DYNC1I1: variants seen among roughly 807,000 people sequenced by gnomAD.
DYNC1I1 encodes cytoplasmic dynein 1 intermediate chain 1.
DYNC1I1 carries 43 observed loss-of-function variants against 86.6 expected under a neutral mutation model. The ratio of observed to expected loss-of-function variants is 0.50; its 90% CI spans 0.39 to 0.64. The LOEUF is 0.64. DYNC1I1 is among the 30% of genes least tolerant of loss of function. DYNC1I1 has a pLI of 0.00. For synonymous variants in DYNC1I1, 262 were observed against 283.7 expected (o/e 0.92, Z 0.77); for missense variants, 604 against 788.8 (o/e 0.77, Z 2.81).
chr7:95,849,305 A>G (rs1305645133), intron 5 of DYNC1I1, among the ~76,000 whole-genome samples: 25 of 152,182 alleles, frequency 1.6e-4, no homozygotes, highest in Admixed American at 1.6e-3. Context: ...GTCCAGAACA[A>G]TGTCACGGAG....
At chr7:96,070,242 TTTTGG>T (rs979169637) in intron 14 of DYNC1I1, among the ~76,000 whole-genome samples, 3 of 152,122 alleles carry the variant, frequency 2.0e-5, no homozygotes, top group African/African-American at 7.2e-5. Flanking sequence ...AGAGTTGGTT[TTTTGG>T]TTTGGTTTGG....
At chr7:96,026,570 T>C (rs1446267368) in intron 10 of DYNC1I1, among the ~76,000 whole-genome samples, 1 of 152,166 alleles carries the variant, frequency 6.6e-6, no homozygotes, top group Non-Finnish European at 1.5e-5. Flanking sequence ...CTTTCTGCTG[T>C]CTAGCCCAGG....
chr7:95,970,099 T>G (rs1488522767), intron 6 of DYNC1I1, among the ~76,000 whole-genome samples: 1 of 152,142 alleles, frequency 6.6e-6, no homozygotes, highest in Non-Finnish European at 1.5e-5. Context: ...CCCGGCGAAG[T>G]TGGCAAGCTG....
At chr7:95,941,906 G>T (rs1371751858) in intron 6 of DYNC1I1, among the ~76,000 whole-genome samples, 2 of 152,168 alleles carry the variant, frequency 1.3e-5, no homozygotes, top group Non-Finnish European at 2.9e-5. Context: ...GCTCATGCTG[G>T]GAGCTGTAGA....
intron 6 of DYNC1I1, among the ~76,000 whole-genome samples, chr7:95,927,511 T>C (rs1003713212): frequency 2.6e-5 from 4 of 152,134 alleles, no homozygotes; most frequent in African/African-American, 7.2e-5. Flanking sequence ...TAGTTAAAAA[T>C]ACTATATAGA....
chr7:95,906,468 A>G (rs1307315912), intron 6 of DYNC1I1, among the ~76,000 whole-genome samples: 1 of 151,856 alleles, frequency 6.6e-6, no homozygotes, highest in African/African-American at 2.4e-5. Flanking sequence ...CTTGCTTTTT[A>G]ATCAAACTTT....
Position 95,866,450 on chromosome 7 carries a change from C to A in DYNC1I1, c.375-3433C>A, listed in dbSNP as rs146001774. Among the ~76,000 whole-genome samples, 6 of 152,288 alleles carry A rather than the reference C, an allele frequency of 3.9e-5. No individual in the cohort carries two copies. The East Asian group carries it at 1.2e-3, about 29-fold the overall frequency. On this transcript the variant is annotated intron_variant, in intron 5 of 16. Transcript: ENST00000447467. ...TTTCAAAGTTTTTAAGTACATGGCCCTGGGACTTACTCTTGCATAGAGCCA... is the reference window on the plus strand; with the variant it reads ...TTTCAAAGTTTTTAAGTACATGGCCATGGGACTTACTCTTGCATAGAGCCA...
intron 16 of DYNC1I1, among the ~76,000 whole-genome samples, chr7:96,096,909 A>C (rs905847246): frequency 3.3e-5 from 5 of 152,184 alleles, no homozygotes; most frequent in Non-Finnish European, 7.3e-5. Flanking sequence ...CTTAGAACAG[A>C]ACTCTTGGTA....
chr7:96,044,261 A>G (rs1789141944), intron 14 of DYNC1I1, among the ~76,000 whole-genome samples: 1 of 152,198 alleles, frequency 6.6e-6, no homozygotes, highest in African/African-American at 2.4e-5. Context: ...AAAAGCAATT[A>G]GTAATAATGG....
At chr7:96,089,693 C>T (rs1035983479) in intron 16 of DYNC1I1, among the ~76,000 whole-genome samples, 8 of 151,972 alleles carry the variant, frequency 5.3e-5, no homozygotes, top group Non-Finnish European at 1.0e-4. Context: ...TTTCATTGTG[C>T]TTTTTTTGGA....
At chr7:96,061,936 A>T (rs1268658509) in intron 14 of DYNC1I1, among the ~76,000 whole-genome samples, 1 of 152,138 alleles carries the variant, frequency 6.6e-6, no homozygotes, top group Admixed American at 6.5e-5. Context: ...AGGCGGGGTG[A>T]TAACATTTTG....
chr7:95,780,947 A>G (rs1793976590), intron 1 of DYNC1I1, among the ~76,000 whole-genome samples: 1 of 152,148 alleles, frequency 6.6e-6, no homozygotes, highest in African/African-American at 2.4e-5. Context: ...GTTAGTATCA[A>G]TATAGCAAGA....
intron 14 of DYNC1I1, among the ~76,000 whole-genome samples, chr7:96,057,104 C>T (rs1003621529): frequency 1.1e-4 from 17 of 152,194 alleles, no homozygotes; most frequent in Non-Finnish European, 5.9e-5. Context: ...GTGTGTGGTG[C>T]TCCTGGGTGT....
intron 5 of DYNC1I1, among the ~76,000 whole-genome samples, chr7:95,842,412 G>A (rs1354576857): frequency 5.3e-5 from 8 of 152,122 alleles, no homozygotes; most frequent in Non-Finnish European, 1.2e-4. Flanking sequence ...TCCAGGTGCG[G>A]GGGCTTTAAG....
At chr7:95,985,154 C>T (rs890333015) in intron 8 of DYNC1I1, among the ~76,000 whole-genome samples, 177 bp downstream of exon 8, 6 of 152,102 alleles carry the variant, frequency 3.9e-5, no homozygotes, top group South Asian at 2.1e-4. Flanking sequence ...TGGCTTAGAG[C>T]GTCCTTGTAA....
chr7:96,011,216 T>C (rs1429204336), intron 10 of DYNC1I1, among the ~76,000 whole-genome samples: 1 of 152,204 alleles, frequency 6.6e-6, no homozygotes, highest in Non-Finnish European at 1.5e-5. Context: ...AGTCTAGTTA[T>C]TTAGAATTCA....
chr7:95,829,072 T>TG (rs1795265022), intron 5 of DYNC1I1, among the ~76,000 whole-genome samples: 2 of 152,198 alleles, frequency 1.3e-5, no homozygotes, highest in Non-Finnish European at 2.9e-5. Context: ...CCACATTTTA[T>TG]GGAACCATTA....
chr7:95,981,804 A>G (rs1002135371), intron 7 of DYNC1I1, among the ~76,000 whole-genome samples: 3 of 152,156 alleles, frequency 2.0e-5, no homozygotes, highest in Admixed American at 6.6e-5. Flanking sequence ...TTGTTTTGGT[A>G]TGCCCTTTGC....
At chr7:95,923,617 C>T (rs1245050711) in intron 6 of DYNC1I1, among the ~76,000 whole-genome samples, 1 of 152,044 alleles carries the variant, frequency 6.6e-6, no homozygotes, top group Non-Finnish European at 1.5e-5. Context: ...GAATACTGTA[C>T]TCAAACAATC....
Sources: allele counts gnomAD v4.1 joint callset (sites outside exome capture counted in the v4.1 genomes callset), GRCh38; gene constraint gnomAD v4.1.1; transcripts MANE v1.5; gene names NCBI Gene and HGNC (gene_info 2026-07-23, HGNC 2026-07-21).